DCDC1: variants seen among roughly 807,000 people sequenced by gnomAD.
DCDC1 encodes doublecortin domain containing 1, also known as doublecortin domain-containing protein 1.
A neutral mutation model predicts 178.3 loss-of-function variants in DCDC1; 200 were observed. The observed-to-expected ratio is 1.12, with a 90% CI of 1.00 to 1.26. DCDC1 has a LOEUF of 1.26. DCDC1 is among the 50% of genes most tolerant of loss of function. DCDC1 has a pLI of 0.00. For missense variants in DCDC1, 1,983 were observed against 1,749.2 expected, an observed-to-expected ratio of 1.13 and a Z score of -2.38; for synonymous variants, 690 against 604.8, an observed-to-expected ratio of 1.14 and a Z score of -2.07.
At chr11:31,088,261 C>A (rs1031878998) in intron 17 of DCDC1, among the ~76,000 whole-genome samples, 10 of 151,902 alleles carry the variant, frequency 6.6e-5, no homozygotes, top group Non-Finnish European at 1.5e-4. Context: ...TTTATCTAAT[C>A]TAATAATGTC....
At chr11:31,000,421 T>C (rs1951506653) in intron 20 of DCDC1, among the ~76,000 whole-genome samples, 1 of 152,154 alleles carries the variant, frequency 6.6e-6, no homozygotes, top group Non-Finnish European at 1.5e-5. Context: ...GCAAGCTTAT[T>C]AAGAATGACA....
At chr11:31,079,445 C>A (rs183505547) in intron 17 of DCDC1, among the ~76,000 whole-genome samples, 1 of 152,146 alleles carries the variant, frequency 6.6e-6, no homozygotes, top group Non-Finnish European at 1.5e-5. Context: ...TCTCTGAGTT[C>A]TGTGAGCCAT....
chr11:31,315,306 CTTTTTTTTTTTT>C (rs72156406), intron 3 of DCDC1, among the ~76,000 whole-genome samples: 6 of 62,140 alleles, frequency 9.7e-5, no homozygotes, highest in African/African-American at 1.3e-4. Flanking sequence ...TTTGCATACC[CTTTTTTTTTTTT>C]TTTTTTTTTT....
intron 20 of DCDC1, among the ~76,000 whole-genome samples, chr11:30,978,827 C>CA (rs1554991411): frequency 0.18 from 25,027 of 140,194 alleles, 2,790 homozygotes; most frequent in African/African-American, 0.3. Context: ...CACACACACA[C>CA]CCCCTTCTCA....
chr11:31,101,287 CTTG>C (rs1958485417), intron 15 of DCDC1, among the ~76,000 whole-genome samples: 1 of 152,132 alleles, frequency 6.6e-6, no homozygotes, highest in Admixed American at 6.5e-5. Flanking sequence ...GTACACAGCA[CTTG>C]CCAGCTAAGA....
intron 1 of DCDC1, among the ~76,000 whole-genome samples, chr11:31,341,755 T>C (rs1488657073): frequency 6.6e-6 from 1 of 151,564 alleles, no homozygotes. Context: ...CTCATGGGAG[T>C]ACCGTTGTAA....
At chr11:30,939,931 A>AT (rs1336055926) in intron 21 of DCDC1, among the ~76,000 whole-genome samples, 1 of 152,012 alleles carries the variant, frequency 6.6e-6, no homozygotes, top group Non-Finnish European at 1.5e-5. Flanking sequence ...TACTGATTCT[A>AT]TTTTTTCTAT....
intron 1 of DCDC1, among the ~76,000 whole-genome samples, 186 bp downstream of exon 1, chr11:31,369,511 A>C (rs1952161842): frequency 6.6e-6 from 1 of 152,148 alleles, no homozygotes; most frequent in Non-Finnish European, 1.5e-5. Context: ...TTCAAGCACC[A>C]ACCGAAAAGA....
chr11:31,038,776 C>G (rs1954243052), intron 20 of DCDC1, among the ~76,000 whole-genome samples: 1 of 151,990 alleles, frequency 6.6e-6, no homozygotes, highest in Admixed American at 6.6e-5. Flanking sequence ...ATTCTATCCT[C>G]TAACAACAGG....
intron 12 of DCDC1, among the ~76,000 whole-genome samples, chr11:31,108,435 G>A (rs1306778141): frequency 6.6e-6 from 1 of 152,138 alleles, no homozygotes; most frequent in African/African-American, 2.4e-5. Flanking sequence ...TTATTTTTGT[G>A]TGGTTTCAGC....
At chr11:31,119,135 G>A (rs1441692084) in intron 11 of DCDC1, among the ~76,000 whole-genome samples, 2 of 152,128 alleles carry the variant, frequency 1.3e-5, no homozygotes, top group Non-Finnish European at 2.9e-5. Context: ...CCGCTAATTA[G>A]CTATCACATG....
At chr11:31,069,421 T>C (rs1417208162) in intron 18 of DCDC1, among the ~76,000 whole-genome samples, 4 of 152,178 alleles carry the variant, frequency 2.6e-5, no homozygotes, top group African/African-American at 9.7e-5. Context: ...TTAGGTACAT[T>C]CAAGACAATT....
intron 11 of DCDC1, among the ~76,000 whole-genome samples, chr11:31,118,558 G>A (rs948376552): frequency 2.6e-5 from 4 of 152,128 alleles, no homozygotes; most frequent in Admixed American, 2.0e-4. Context: ...ACATATGTAG[G>A]AAAGGAATCT....
intron 20 of DCDC1, among the ~76,000 whole-genome samples, chr11:31,021,370 T>A (rs935413971): frequency 6.6e-6 from 1 of 152,242 alleles, no homozygotes; most frequent in Admixed American, 6.5e-5. Context: ...TTATGGTACA[T>A]CCATACAACG....
rs141640969 is a variant in DCDC1, at chr11:31,340,673, T to C, written c.-124-5109A>G. On this transcript the variant is annotated intron_variant, in intron 1 of 38. Coordinates refer to ENST00000684477, the MANE Select transcript of DCDC1 (RefSeq NM_001387274.1). Reference sequence around the variant, plus strand: ...TCATCCAATCAGTTTAAAGCTTTTATAGAAAAAAGACTGACTTCCCCTGGG... The same window carrying C: ...TCATCCAATCAGTTTAAAGCTTTTACAGAAAAAAGACTGACTTCCCCTGGG... Among the ~76,000 whole-genome samples the C allele has an allele frequency of 3.8e-3, 579 of 152,212 alleles. 5 individuals carry two copies. Among genetic ancestry groups the C allele is most frequent in the African/African-American group, 0.013 (543 of 41,538 alleles).
intron 9 of DCDC1, among the ~76,000 whole-genome samples, chr11:31,185,206 C>T (rs1969329148): frequency 6.6e-6 from 1 of 152,058 alleles, no homozygotes; most frequent in South Asian, 2.1e-4. Context: ...GGGAGTTGAA[C>T]AATGAGAACA....
chr11:30,977,271 G>A (rs1950155206), intron 20 of DCDC1, among the ~76,000 whole-genome samples: 1 of 152,178 alleles, frequency 6.6e-6, no homozygotes, highest in Admixed American at 6.5e-5. Flanking sequence ...TGATAGCAGA[G>A]TAGGGTAACT....
chr11:30,924,200 G>C (rs1179136799), intron 23 of DCDC1, among the ~76,000 whole-genome samples: 1 of 152,130 alleles, frequency 6.6e-6, no homozygotes, highest in Non-Finnish European at 1.5e-5. Context: ...ACAGTGAATA[G>C]CACAGCAGAC....
At chr11:31,096,493 T>C (rs1371271353) in intron 15 of DCDC1, among the ~76,000 whole-genome samples, 3 of 152,192 alleles carry the variant, frequency 2.0e-5, no homozygotes, top group Admixed American at 2.0e-4. Context: ...GCGCCTATAT[T>C]CTTGTTATCT....
Sources: allele counts gnomAD v4.1 joint callset (sites outside exome capture counted in the v4.1 genomes callset), GRCh38; gene constraint gnomAD v4.1.1; transcripts MANE v1.5; gene names NCBI Gene and HGNC (gene_info 2026-07-23, HGNC 2026-07-21).